THSD4: variants seen among roughly 807,000 people sequenced by gnomAD.
THSD4 encodes thrombospondin type 1 domain containing 4, also known as thrombospondin type-1 domain-containing protein 4.
A neutral mutation model predicts 119.0 loss-of-function variants in THSD4; 69 were observed. That is an observed-to-expected ratio of 0.58 (90% CI 0.48 to 0.71). The LOEUF (loss-of-function observed/expected upper bound fraction) is 0.71, where lower values mean the gene tolerates loss of function less well. THSD4 is among the 30% of genes least tolerant of loss of function. The pLI is 0.00. For missense variants in THSD4, 1,393 were observed against 1,391.1 expected (o/e 1.00, Z -0.02); for synonymous variants, 524 against 540.4 (o/e 0.97, Z 0.42).
chr15:71,653,146 G>A (rs1312431500), intron 7 of THSD4, among the ~76,000 whole-genome samples: 1 of 152,164 alleles, frequency 6.6e-6, no homozygotes, highest in Non-Finnish European at 1.5e-5. Context: ...CAAGTCGCAG[G>A]TACTGTGCTC....
In THSD4 at chr15:71,141,407, C is replaced by T. The variant is rs969868621; in HGVS notation, c.-79-42C>T. 2.0e-5 allele frequency: 22 copies of T among 1,079,434 alleles called. No homozygotes were observed. In the African/African-American group the frequency reaches 3.6e-4, roughly 17 times the overall value. The allele number at this position is 1,079,434 out of a possible 1,614,324, so 66.9% of individuals were successfully genotyped here. A position where few individuals can be genotyped will look rare whatever the true frequency, so the allele number is the denominator to read the frequency against. On this transcript the variant is annotated intron_variant, in intron 1 of 17. Coordinates refer to ENST00000261862, the MANE Select transcript of THSD4 (RefSeq NM_024817.3). ...ACCGAGTTACGCTTCTAGAATCTTC[C>T]TAAGTAAATGTTGCTAAAAATAACA...
chr15:71,369,980 G>A (rs150617617), intron 6 of THSD4, among the ~76,000 whole-genome samples: 3,696 of 152,118 alleles, frequency 0.024, 269 homozygotes, highest in East Asian at 0.23. Flanking sequence ...GTCTATTTAG[G>A]GATTCAACTT....
intron 6 of THSD4, among the ~76,000 whole-genome samples, chr15:71,272,079 C>G (rs1419501639): frequency 1.3e-5 from 2 of 152,040 alleles, no homozygotes; most frequent in African/African-American, 2.4e-5. Context: ...GAAACTGAAA[C>G]CACTTACTAG....
At chr15:71,253,027 C>T (rs1384731852) in intron 5 of THSD4, among the ~76,000 whole-genome samples, 1 of 152,166 alleles carries the variant, frequency 6.6e-6, no homozygotes, top group Non-Finnish European at 1.5e-5. Context: ...GTTTGCCTGG[C>T]GTCATGTGAG....
chr15:71,676,254 G>C (rs2051647398), intron 8 of THSD4, among the ~76,000 whole-genome samples: 1 of 152,060 alleles, frequency 6.6e-6, no homozygotes, highest in South Asian at 2.1e-4. Flanking sequence ...GTGGCATTAA[G>C]TACATTCACT....
chr15:71,213,822 A>G (rs1272484797), intron 3 of THSD4, among the ~76,000 whole-genome samples: 1 of 152,176 alleles, frequency 6.6e-6, no homozygotes, highest in Non-Finnish European at 1.5e-5. Flanking sequence ...GTTTAGTGCC[A>G]AGCTCTCTGC....
intron 7 of THSD4, among the ~76,000 whole-genome samples, chr15:71,447,367 C>T (rs2047199861): frequency 6.6e-6 from 1 of 150,408 alleles, no homozygotes; most frequent in South Asian, 2.1e-4. Context: ...GATCCGCCAC[C>T]TTGGCTTCCC....
intron 6 of THSD4, among the ~76,000 whole-genome samples, chr15:71,361,464 G>T (rs2045890843): frequency 6.6e-6 from 1 of 152,188 alleles, no homozygotes; most frequent in African/African-American, 2.4e-5. Context: ...TAAAGCTATT[G>T]TCACCCCTCA....
rs750508879 is a variant in THSD4 at position 71,530,713 on chromosome 15, G to A, written c.1152+118890G>A. On this transcript the variant is annotated intron_variant, in intron 7 of 17. Coordinates refer to ENST00000261862, the MANE Select transcript of THSD4 (RefSeq NM_024817.3). Reference sequence around the variant, plus strand: ...TTAAGGAATCTCACCCTGAAGAGATGTATCCCTTAGGGTCAGTGGAGTGTT... The same window carrying A: ...TTAAGGAATCTCACCCTGAAGAGATATATCCCTTAGGGTCAGTGGAGTGTT... 2.6e-5 allele frequency among the ~76,000 whole-genome samples: 4 copies of A among 152,050 alleles called. No homozygotes were observed. The South Asian group carries it at 8.3e-4, about 32-fold the overall frequency.
chr15:71,731,428 C>A, intron 10 of THSD4: 1 of 556,748 alleles, frequency 1.8e-6, no homozygotes, highest in Non-Finnish European at 3.2e-6. Context: ...CACTCGATTC[C>A]AAAATGGCAT....
chr15:71,414,321 T>C (rs974006044), intron 7 of THSD4, among the ~76,000 whole-genome samples: 13 of 152,242 alleles, frequency 8.5e-5, no homozygotes, highest in African/African-American at 2.9e-4. Flanking sequence ...GCAAAAGTGT[T>C]TGCCTTTTTT....
At chr15:71,562,698 C>CTT (rs34555744) in intron 7 of THSD4, among the ~76,000 whole-genome samples, 36,621 of 124,888 alleles carry the variant, frequency 0.29, 7,080 homozygotes, top group East Asian at 0.62. Context: ...ACCTTTGGTC[C>CTT]TTTTTTTTTT....
rs2043332196 is a variant in THSD4 at position 71,169,502 on chromosome 15, A to G, written c.99+14570A>G. 2.0e-5 allele frequency among the ~76,000 whole-genome samples: 3 copies of G among 152,204 alleles called. No homozygotes were observed. In the South Asian group the frequency reaches 6.2e-4, roughly 31 times the overall value. On this transcript the variant is annotated intron_variant, in intron 3 of 17. Transcript: ENST00000261862. ...TTCAGAGTAGTTTCCTTTACAATAAAGCTAAACTGGAAATAACCCAAAAGT... is the reference window on the plus strand; with the variant it reads ...TTCAGAGTAGTTTCCTTTACAATAAGGCTAAACTGGAAATAACCCAAAAGT...
chr15:71,709,888 T>A (rs1501423), intron 8 of THSD4, among the ~76,000 whole-genome samples: 25,765 of 152,102 alleles, frequency 0.17, 2,408 homozygotes, highest in Middle Eastern at 0.22. Flanking sequence ...TTTCAGGTGC[T>A]TGCCATGGGC....
chr15:71,427,197 A>T (rs35497295), intron 7 of THSD4, among the ~76,000 whole-genome samples: 6,865 of 144,124 alleles, frequency 0.048, 224 homozygotes, highest in Non-Finnish European at 0.069. Context: ...AACCTAAATT[A>T]TACACATAAT....
intron 6 of THSD4, among the ~76,000 whole-genome samples, chr15:71,333,087 A>G (rs956696585): frequency 3.3e-5 from 5 of 151,212 alleles, no homozygotes; most frequent in Middle Eastern, 6.9e-3. Flanking sequence ...TGCTGTTCCT[A>G]TGGGGAGGCT....
In THSD4 at chr15:71,173,235, A is replaced by G. The variant is rs529244400; in HGVS notation, c.99+18303A>G. ...GCATTTCTATACACTGAAAAGATCAATCTGAAAAGCAAATAAAGTAAACAA... is the reference window on the plus strand; with the variant it reads ...GCATTTCTATACACTGAAAAGATCAGTCTGAAAAGCAAATAAAGTAAACAA... On this transcript the variant is annotated intron_variant, in intron 3 of 17. Transcript: ENST00000261862. Among the ~76,000 whole-genome samples the G allele has an allele frequency of 7.2e-5, 11 of 152,284 alleles. No individual in the cohort carries two copies. The East Asian group carries it at 1.9e-3, about 27-fold the overall frequency.
At chr15:71,111,857 T>A (rs147445710), upstream of THSD4, 5 of 534,246 alleles carry the variant, frequency 9.4e-6, no homozygotes, top group Non-Finnish European at 1.6e-5. Flanking sequence ...TTTTTCAAAG[T>A]GCAATTTTCA....
chr15:71,571,269 G>A (rs1347646367), intron 7 of THSD4, among the ~76,000 whole-genome samples: 1 of 151,260 alleles, frequency 6.6e-6, no homozygotes, highest in Non-Finnish European at 1.5e-5. Flanking sequence ...GACACATCTT[G>A]AATTCTTACA....
Sources: gnomAD v4.1 joint callset for allele counts (sites outside exome capture counted in the v4.1 genomes callset) on GRCh38, gnomAD v4.1.1 for gene constraint, MANE v1.5 for transcripts, NCBI Gene and HGNC (gene_info 2026-07-23, HGNC 2026-07-21) for gene names.